RPRD2: variants seen among roughly 807,000 people sequenced by gnomAD.
RPRD2 encodes the protein regulation of nuclear pre-mRNA domain containing 2.
In RPRD2, 12 loss-of-function variants were observed where a neutral mutation model predicts 104.4. The ratio of observed to expected loss-of-function variants is 0.11; its 90% CI spans 0.07 to 0.19. RPRD2 has a LOEUF of 0.19. RPRD2 is among the 10% of genes least tolerant of loss of function. The pLI, the probability that RPRD2 is intolerant of heterozygous loss-of-function variation, is 1.00. For synonymous variants in RPRD2, 714 were observed against 684.9 expected, an observed-to-expected ratio of 1.04 and a Z score of -0.66; for missense variants, 1,543 against 1,790.1, an observed-to-expected ratio of 0.86 and a Z score of 2.49.
At chr1:150,401,380 C>T (rs1014964216) in intron 1 of RPRD2, among the ~76,000 whole-genome samples, 10 of 151,248 alleles carry the variant, frequency 6.6e-5, no homozygotes, top group African/African-American at 9.7e-5. Context: ...TACAGCTACT[C>T]GGGACGCCAA....
intron 1 of RPRD2, 63 bp from the exon 2 acceptor site, chr1:150,417,533 A>T (rs782583488): frequency 4.3e-5 from 57 of 1,336,138 alleles, no homozygotes; most frequent in Admixed American, 1.2e-4. Flanking sequence ...TGTATTTGGA[A>T]TAAGTTGAAC....
At chr1:150,378,050 AAAG>A (rs1187838459) in intron 1 of RPRD2, among the ~76,000 whole-genome samples, 2 of 152,164 alleles carry the variant, frequency 1.3e-5, no homozygotes, top group African/African-American at 4.8e-5. Context: ...GGGAGAAAGA[AAAG>A]AAATACGGTG....
At chr1:150,451,325 C>T (rs1667155306) in intron 7 of RPRD2, among the ~76,000 whole-genome samples, 1 of 152,108 alleles carries the variant, frequency 6.6e-6, no homozygotes, top group Non-Finnish European at 1.5e-5. Context: ...ATTAATGTGG[C>T]ATCTTCCAGG....
rs1200121547 is a variant in RPRD2 at position 150,364,157 on chromosome 1, C to G, written c.-558C>G. On this transcript the variant is annotated 5_prime_UTR_variant, in exon 1 of 11. Transcript: ENST00000369068. Reference sequence around the variant, plus strand: ...TGGCGCGTGCGCGATACTGTTGCTGCCCCTTTGCTGCTATTGCGTTGCAAA... The same window carrying G: ...TGGCGCGTGCGCGATACTGTTGCTGGCCCTTTGCTGCTATTGCGTTGCAAA... 6.6e-6 allele frequency among the ~76,000 whole-genome samples: 1 copy of G among 152,166 alleles called. No homozygotes were observed. Among genetic ancestry groups the G allele is most frequent in the South Asian group, 2.1e-4 (1 of 4,826 alleles).
chr1:150,379,156 G>A (rs1271086510), intron 1 of RPRD2, among the ~76,000 whole-genome samples: 13 of 151,084 alleles, frequency 8.6e-5, no homozygotes, highest in Non-Finnish European at 7.4e-5. Flanking sequence ...GGTGGCGTGC[G>A]CCTGTAATCC....
At chr1:150,383,516 C>T (rs1379719722) in intron 1 of RPRD2, among the ~76,000 whole-genome samples, 3 of 151,246 alleles carry the variant, frequency 2.0e-5, no homozygotes, top group Non-Finnish European at 2.9e-5. Flanking sequence ...GGGGTTTTGC[C>T]GTGTTGGTCA....
intron 2 of RPRD2, among the ~76,000 whole-genome samples, chr1:150,432,812 TA>T (rs1199164621): frequency 6.6e-6 from 1 of 151,780 alleles, no homozygotes; most frequent in Non-Finnish European, 1.5e-5. Flanking sequence ...ATTCCGTCTC[TA>T]AAAAAACATG....
Position 150,471,082 on chromosome 1 carries a change from C to G in RPRD2, c.2134C>G (p.Pro712Ala), listed in dbSNP as rs1269944792. 1 of 1,613,822 alleles carries G rather than the reference C, an allele frequency of 6.2e-7. No individual in the cohort carries two copies. The highest frequency in any genetic ancestry group is 8.5e-7 in the Non-Finnish European group (1 of 1,179,876). ...ESHPSDFQRG[P>A]TSTSIDNIDG... ...CCATCCCTCAGACTTCCAGCGTGGC[C>G]CTACTAGCACCTCAATCGACAACAT... Residue 712 changes from proline (P) to alanine (A), a missense_variant, in exon 11 of 11, where the codon CCT becomes GCT. Transcript: ENST00000369068. The surrounding 1 kb of genome is among the most constrained non-coding windows in gnomAD (Gnocchi z 5.3).
Position 150,471,571 on chromosome 1 carries a change from A to G in RPRD2, c.2623A>G (p.Ser875Gly). ...DTTEYQPILSSYSHRAQEFGV... is the reference protein window; with the variant it reads ...DTTEYQPILSGYSHRAQEFGV... Reference sequence around the variant, plus strand: ...CACCGAGTACCAGCCAATTCTGTCCAGTTATAGCCACAGAGCCCAAGAATT... The same window carrying G: ...CACCGAGTACCAGCCAATTCTGTCCGGTTATAGCCACAGAGCCCAAGAATT... Residue 875 changes from serine (S) to glycine (G), a missense_variant, in exon 11 of 11, where the codon AGT becomes GGT. Physicochemically the swap from Ser to Gly is moderately conservative, Grantham distance 56. Around this residue, in one of 4 missense-constraint regions of RPRD2, gnomAD observed 880 missense variants for 885.6 expected, o/e 0.99. Transcript: ENST00000369068. This position sits in a 1 kb window ranked among gnomAD's most constrained non-coding sequence, Gnocchi z 5.3. The G allele has an allele frequency of 4.3e-6, 7 of 1,613,716 alleles. No homozygotes were observed. Among genetic ancestry groups the G allele is most frequent in the Non-Finnish European group, 5.9e-6 (7 of 1,179,832 alleles).
chr1:150,412,295 T>G (rs782082460), intron 1 of RPRD2, among the ~76,000 whole-genome samples: 3 of 152,128 alleles, frequency 2.0e-5, no homozygotes, highest in Non-Finnish European at 4.4e-5. Context: ...CTCAACCACT[T>G]TTTTTCATTC....
At chr1:150,408,586 A>G (rs1467894158) in intron 1 of RPRD2, among the ~76,000 whole-genome samples, 1 of 152,142 alleles carries the variant, frequency 6.6e-6, no homozygotes, top group Admixed American at 6.6e-5. Context: ...TCATCCATAT[A>G]ATATGGATGT....
At chr1:150,434,291 G>C (rs1665848418) in intron 2 of RPRD2, among the ~76,000 whole-genome samples, 3 of 152,128 alleles carry the variant, frequency 2.0e-5, no homozygotes, top group Admixed American at 2.0e-4. Context: ...GGGAGGCGGA[G>C]GTTGCAATGA....
chr1:150,389,022 C>G (rs1366248856), intron 1 of RPRD2, among the ~76,000 whole-genome samples: 1 of 151,792 alleles, frequency 6.6e-6, no homozygotes, highest in Non-Finnish European at 1.5e-5. Flanking sequence ...TAGATTTTGA[C>G]AGTTTTGTTT....
At chr1:150,365,332 A>T (rs1441757217) in intron 1 of RPRD2, among the ~76,000 whole-genome samples, 2 of 152,218 alleles carry the variant, frequency 1.3e-5, no homozygotes, top group African/African-American at 4.8e-5. Context: ...TTTAAGCAGT[A>T]GTAAATCCAG....
chr1:150,468,171 C>T (rs1668398036), intron 10 of RPRD2, among the ~76,000 whole-genome samples: 1 of 151,860 alleles, frequency 6.6e-6, no homozygotes, highest in African/African-American at 2.4e-5. Context: ...GGCAAAGGAG[C>T]AGAGTATGAC....
chr1:150,382,446 G>GA (rs1280114416), intron 1 of RPRD2, among the ~76,000 whole-genome samples: 3 of 151,544 alleles, frequency 2.0e-5, no homozygotes, highest in Admixed American at 2.0e-4. Flanking sequence ...GTGCAATGGC[G>GA]ATCTCGGCTC....
chr1:150,424,446 C>A (rs1416910658), intron 2 of RPRD2, among the ~76,000 whole-genome samples: 2 of 152,088 alleles, frequency 1.3e-5, no homozygotes, highest in East Asian at 3.9e-4. Flanking sequence ...CGCCACCATG[C>A]CCAGCTAATT....
chr1:150,379,826 G>A (rs1183575131), intron 1 of RPRD2, among the ~76,000 whole-genome samples: 1 of 152,200 alleles, frequency 6.6e-6, no homozygotes, highest in African/African-American at 2.4e-5. Flanking sequence ...GTGAGCCAAC[G>A]CACCCGGCCA....
chr1:150,441,065 G>C, intron 3 of RPRD2, 42 bp downstream of exon 3: 1 of 975,706 alleles, frequency 1.0e-6, no homozygotes, highest in Non-Finnish European at 1.5e-6. Flanking sequence ...TTTTGAGTCA[G>C]TCTTTACAAT....
Sources: allele counts gnomAD v4.1 joint callset (sites outside exome capture counted in the v4.1 genomes callset), GRCh38; gene constraint gnomAD v4.1.1; regional missense constraint gnomAD v4.1.1; non-coding constraint Gnocchi (gnomAD v3.1); transcripts MANE v1.5; gene names NCBI Gene and HGNC (gene_info 2026-07-23, HGNC 2026-07-21).